PATJ: variants seen among roughly 807,000 people sequenced by gnomAD.
The protein encoded by PATJ is PATJ crumbs cell polarity complex component.
In PATJ, 190 loss-of-function variants were observed where a neutral mutation model predicts 224.9. That is an observed-to-expected ratio of 0.84 (90% confidence interval 0.75 to 0.95). The LOEUF is 0.95. Among genes scored for constraint, PATJ ranks in the 40% least tolerant of loss-of-function variants. The pLI is 0.00. For missense variants in PATJ, 2,121 were observed against 2,270.3 expected, an observed-to-expected ratio of 0.93 and a Z score of 1.34; for synonymous variants, 769 against 820.3, an observed-to-expected ratio of 0.94 and a Z score of 1.07.
chr1:62,110,976 CATG>C (rs1663737676), intron 34 of PATJ, among the ~76,000 whole-genome samples: 3 of 152,192 alleles, frequency 2.0e-5, no homozygotes, highest in Admixed American at 6.5e-5. Flanking sequence ...CTAGCCACGC[CATG>C]ATATTTCTCT....
In PATJ at chr1:61,980,437, TTGTGTGTGTGTGTGTG is replaced by T. The variant is rs148389720; in HGVS notation, c.3671-9704_3671-9689del. Among the ~76,000 whole-genome samples, 635 of 129,732 alleles carry T rather than the reference TTGTGTGTGTGTGTGTG, an allele frequency of 4.9e-3. 10 individuals are homozygous for T. The highest frequency in any genetic ancestry group is 0.018 in the African/African-American group (587 of 33,082). The allele number at this position is 129,732 out of a possible 152,430, so 85.1% of individuals were successfully genotyped here. On this transcript the variant is annotated intron_variant, in intron 27 of 43. Coordinates refer to ENST00000642238, the MANE Select transcript of PATJ (RefSeq NM_001350145.3). ...TGCCAAAAGCTAGTACTTATATAAT[TTGTGTGTGTGTGTGTG>T]TGTGTGTGTGTGTGTGTGTGTGTGT...
intron 29 of PATJ, among the ~76,000 whole-genome samples, chr1:62,021,108 G>A (rs1439272629): frequency 2.6e-5 from 4 of 152,082 alleles, no homozygotes; most frequent in East Asian, 1.9e-4. Context: ...GATCACAGAC[G>A]TGAGCCACTG....
Position 61,864,577 on chromosome 1 carries a change from G to C in PATJ, c.2779G>C (p.Gly927Arg), listed in dbSNP as rs770415215. 2 of 1,610,680 alleles carry C rather than the reference G, an allele frequency of 1.2e-6. No homozygotes were observed. Among genetic ancestry groups the C allele is most frequent in the Non-Finnish European group, 1.7e-6 (2 of 1,179,424 alleles). Residue 927 changes from glycine to arginine, a missense_variant, in exon 20 of 44, where the codon GGG (glycine) becomes CGG (arginine). Gly to Arg is a moderately radical substitution (Grantham distance 125, BLOSUM62 -2). Transcript: ENST00000642238. The part of the protein sequence containing the change: ...EPSESQEART[G>R]RTVYSQEAQP... ...ATCCGAGTCTCAAGAGGCAAGAACC[G>C]GGAGGACTGTCTATTCCCAGGAGGC...
chr1:62,052,504 G>A (rs1301586279), intron 31 of PATJ, among the ~76,000 whole-genome samples: 1 of 151,766 alleles, frequency 6.6e-6, no homozygotes, highest in Non-Finnish European at 1.5e-5. Flanking sequence ...CACTTTGGGA[G>A]GCCAAGGCGG....
intron 34 of PATJ, among the ~76,000 whole-genome samples, chr1:62,112,776 G>A (rs1030763360): frequency 2.0e-5 from 3 of 152,150 alleles, no homozygotes; most frequent in African/African-American, 7.2e-5. Flanking sequence ...TCTGCTCCTC[G>A]ATTTCTCCCT....
rs772163622 is a variant in PATJ, at chr1:61,901,296, G to A, written c.3218G>A (p.Arg1073Lys). 6.5e-7 allele frequency: 1 copy of A among 1,528,558 alleles called. No individual in the cohort carries two copies. Among genetic ancestry groups the A allele is most frequent in the Admixed American group, 2.6e-5 (1 of 37,906 alleles). 94.7% of individuals were successfully genotyped at this position (1,528,558 alleles called of 1,614,324 possible). ...CCTTTATATAGTGTTGAGATTTTTAGAGAACCCAATGTGTCTCTTGGGATC... is the reference window on the plus strand; with the variant it reads ...CCTTTATATAGTGTTGAGATTTTTAAAGAACCCAATGTGTCTCTTGGGATC... ...WGPPRIVEIFREPNVSLGISI... is the reference protein window; with the variant it reads ...WGPPRIVEIFKEPNVSLGISI... Residue 1073 changes from arginine (R) to lysine (K), a missense_variant, in exon 24 of 44, where the codon AGA (arginine) becomes AAA (lysine). Physicochemically the swap from Arg to Lys is conservative, Grantham distance 26. Coordinates refer to ENST00000642238, the MANE Select transcript of PATJ (RefSeq NM_001350145.3).
chr1:61,992,786 T>C (rs1645143182), intron 28 of PATJ, among the ~76,000 whole-genome samples: 2 of 152,298 alleles, frequency 1.3e-5, no homozygotes, highest in East Asian at 1.9e-4. Flanking sequence ...TTCAGCACTA[T>C]GTATGTGGCA....
intron 32 of PATJ, among the ~76,000 whole-genome samples, chr1:62,080,923 G>A (rs1570495628): frequency 6.6e-6 from 1 of 152,008 alleles, no homozygotes; most frequent in Non-Finnish European, 1.5e-5. Flanking sequence ...AGCTAAAAAA[G>A]GTGTTCACTT....
chr1:62,051,677 A>G (rs1406707127), intron 31 of PATJ, among the ~76,000 whole-genome samples: 1 of 152,134 alleles, frequency 6.6e-6, no homozygotes, highest in African/African-American at 2.4e-5. Context: ...ATAAGGCCAG[A>G]GCTGTGCTTA....
At chr1:62,055,802 C>T (rs933743069) in intron 31 of PATJ, among the ~76,000 whole-genome samples, 7 of 152,124 alleles carry the variant, frequency 4.6e-5, no homozygotes, top group African/African-American at 1.7e-4. Context: ...ATATGGATAT[C>T]TGAGAAGGGA....
intron 12 of PATJ, 102 bp downstream of exon 12, chr1:61,801,871 G>A: frequency 1.2e-6 from 1 of 808,410 alleles, no homozygotes. Flanking sequence ...GAGGCATTTT[G>A]GAGACATAAA....
chr1:61,968,708 G>T (rs1485680401), intron 27 of PATJ, among the ~76,000 whole-genome samples: 1 of 151,346 alleles, frequency 6.6e-6, no homozygotes, highest in African/African-American at 2.4e-5. Flanking sequence ...ATCCCTCCCC[G>T]CTCCCACCAC....
At chr1:61,894,248 C>CT (rs967954977) in intron 22 of PATJ, among the ~76,000 whole-genome samples, 43 of 147,952 alleles carry the variant, frequency 2.9e-4, no homozygotes, top group African/African-American at 1.1e-3. Flanking sequence ...GAGCGAAACT[C>CT]TATCTCATAA....
chr1:61,966,413 C>T (rs189665737), intron 27 of PATJ, among the ~76,000 whole-genome samples: 2 of 152,098 alleles, frequency 1.3e-5, no homozygotes, highest in Non-Finnish European at 2.9e-5. Flanking sequence ...AGGCCAAATG[C>T]GGTGTCTCAC....
chr1:62,049,256 C>G (rs1001900198), intron 30 of PATJ, among the ~76,000 whole-genome samples: 4 of 149,970 alleles, frequency 2.7e-5, no homozygotes, highest in Non-Finnish European at 5.9e-5. Context: ...CACACACACA[C>G]ACACACACAC....
chr1:62,136,254 A>G (rs1257579205), intron 41 of PATJ, among the ~76,000 whole-genome samples: 4 of 149,544 alleles, frequency 2.7e-5, no homozygotes, highest in Admixed American at 6.7e-5. Flanking sequence ...CTGGTTTTGA[A>G]CTCCTGACCT....
intron 41 of PATJ, among the ~76,000 whole-genome samples, chr1:62,144,795 T>TATATATATATATATATATATAG (rs1558231544): frequency 6.8e-6 from 1 of 146,258 alleles, no homozygotes; most frequent in African/African-American, 2.5e-5. Context: ...TATATATATA[T>TATATATATATATATATATATAG]AATTAGCAGA....
intron 29 of PATJ, among the ~76,000 whole-genome samples, chr1:62,035,459 C>A (rs765327848): frequency 1.3e-5 from 2 of 152,108 alleles, no homozygotes; most frequent in African/African-American, 4.8e-5. Context: ...AAGCTACTTA[C>A]TTAAGGGTTT....
chr1:61,979,424 G>T (rs1026952106), intron 27 of PATJ, among the ~76,000 whole-genome samples: 2 of 152,006 alleles, frequency 1.3e-5, no homozygotes, highest in African/African-American at 4.8e-5. Context: ...GGAGGCCAAG[G>T]TGGGCAGATC....
Sources: allele counts gnomAD v4.1 joint callset (sites outside exome capture counted in the v4.1 genomes callset), GRCh38; gene constraint gnomAD v4.1.1; transcripts MANE v1.5; gene names NCBI Gene and HGNC (gene_info 2026-07-23, HGNC 2026-07-21).